RO60: variants seen among roughly 807,000 people sequenced by gnomAD.
RO60 encodes Ro60, Y RNA binding protein, also known as RNA-binding protein RO60.
A neutral mutation model predicts 55.3 loss-of-function variants in RO60; 20 were observed. The ratio of observed to expected loss-of-function variants is 0.36; its 90% CI spans 0.25 to 0.53. The LOEUF is 0.53. RO60 is among the 20% of genes least tolerant of loss of function. The probability of loss-of-function intolerance (pLI) is 0.92; values close to 1 mark genes in which losing one functional copy is unlikely to be tolerated. For missense variants in RO60, 558 were observed against 646.6 expected (o/e 0.86, Z 1.49); for synonymous variants, 213 against 213.6 (o/e 1.00, Z 0.02).
At chr1:193,080,041 G>T (rs1210910060) in intron 5 of RO60, among the ~76,000 whole-genome samples, 2 of 151,756 alleles carry the variant, frequency 1.3e-5, no homozygotes, top group Non-Finnish European at 2.9e-5. Flanking sequence ...TGAGGCAGGA[G>T]AATCTCTTGA....
Position 193,059,847 on chromosome 1 carries a change from C to T in RO60, c.-22+71C>T, listed in dbSNP as rs1672304521. ...CAGGGACGCGCAAATTCTGACCAGT[C>T]CTCCATGTCTCTCACCCGCATCCCA... On this transcript the variant is annotated intron_variant, in intron 1 of 8. Coordinates refer to ENST00000400968, the MANE Select transcript of RO60 (RefSeq NM_001173524.2). This position sits in a 1 kb window ranked among gnomAD's most constrained non-coding sequence, Gnocchi z 4.9. 7.3e-7 allele frequency: 1 copy of T among 1,362,416 alleles called. No homozygotes were observed. Among genetic ancestry groups the T allele is most frequent in the African/African-American group, 1.5e-5 (1 of 67,764 alleles). 84.4% of individuals were successfully genotyped at this position (1,362,416 alleles called of 1,614,324 possible). A position where few individuals can be genotyped will look rare whatever the true frequency, so the allele number is the denominator to read the frequency against.
intron 2 of RO60, among the ~76,000 whole-genome samples, chr1:193,072,379 G>A (rs1673575517): frequency 6.6e-6 from 1 of 151,716 alleles, no homozygotes; most frequent in South Asian, 2.1e-4. Context: ...TAGAGGAGTT[G>A]ATAATGTATT....
chr1:193,069,983 A>AGAAGGAACTGCTTT (rs1165857470), intron 2 of RO60, among the ~76,000 whole-genome samples: 4 of 152,206 alleles, frequency 2.6e-5, no homozygotes, highest in African/African-American at 9.6e-5. Flanking sequence ...TACAGTCACT[A>AGAAGGAACTGCTTT]GAAGGAACTG....
rs763452972 is a variant in RO60, at chr1:193,059,721, GC to G, written c.-76del. ...CCTTCTTTTGTCGTTTCCCAGCGCT[GC>G]GCAGGACTTCTCCTGGCGGCGCTGC... On this transcript the variant is annotated 5_prime_UTR_variant, in exon 1 of 9. Transcript: ENST00000400968. The surrounding 1 kb of genome is among the most constrained non-coding windows in gnomAD (Gnocchi z 4.9). 1 of 1,353,402 alleles carries G rather than the reference GC, an allele frequency of 7.4e-7. No homozygotes were observed. Among genetic ancestry groups the G allele is most frequent in the South Asian group, 1.2e-5 (1 of 85,838 alleles). 83.8% of individuals were successfully genotyped at this position (1,353,402 alleles called of 1,614,324 possible).
Position 193,082,547 on chromosome 1 carries a change from T to C in RO60, c.1318-15T>C, listed in dbSNP as rs758063788. 1 of 1,613,346 alleles carries C rather than the reference T, an allele frequency of 6.2e-7. No homozygotes were observed. Among genetic ancestry groups the C allele is most frequent in the Non-Finnish European group, 8.5e-7 (1 of 1,179,472 alleles). On this transcript the variant is annotated splice_polypyrimidine_tract_variant and intron_variant, in intron 7 of 8. Transcript: ENST00000400968. ...ATTTATTTACTTATTTATTCATGCTTTTGTTCCGAATTAGATCCCAGCAGG... is the reference window on the plus strand; with the variant it reads ...ATTTATTTACTTATTTATTCATGCTCTTGTTCCGAATTAGATCCCAGCAGG...
chr1:193,070,569 C>G (rs1048968217), intron 2 of RO60: 3 of 435,602 alleles, frequency 6.9e-6, no homozygotes, highest in Admixed American at 4.9e-5. Flanking sequence ...CTTGAAAAGA[C>G]AGCCACTCAG....
At chr1:193,075,794 T>G in intron 2 of RO60, 26 bp from the exon 3 acceptor site, 1 of 1,533,714 alleles carries the variant, frequency 6.5e-7, no homozygotes, top group Non-Finnish European at 8.9e-7. Flanking sequence ...TCCTGCATGC[T>G]TTTTCAATTC....
chr1:193,076,150 T>C, intron 3 of RO60, 110 bp downstream of exon 3: 1 of 638,194 alleles, frequency 1.6e-6, no homozygotes, highest in Non-Finnish European at 2.5e-6. Context: ...AAAGAAATTA[T>C]TTAAAATATA....
chr1:193,072,246 C>T (rs1315911562), intron 2 of RO60, among the ~76,000 whole-genome samples: 4 of 152,122 alleles, frequency 2.6e-5, no homozygotes, highest in African/African-American at 4.8e-5. Flanking sequence ...TCAGGTGATC[C>T]GCCTGCCTTG....
chr1:193,071,916 T>G lies in RO60; in HGVS notation c.580+2282T>G, dbSNP rs139069489. Among the ~76,000 whole-genome samples the G allele has an allele frequency of 9.5e-3, 1,435 of 150,906 alleles. 15 individuals are homozygous for G. The highest frequency in any genetic ancestry group is 0.033 in the South Asian group (160 of 4,806). The stretch of plus-strand genomic sequence containing the variant: ...GTGTATATATGTATAATTATACAAT[T>G]ACATCATAGCCCTTTTGTCCACTTA... On this transcript the variant is annotated intron_variant, in intron 2 of 8. Transcript: ENST00000400968.
chr1:193,084,208 T>C (rs1182156742), intron 8 of RO60, among the ~76,000 whole-genome samples: 1 of 152,222 alleles, frequency 6.6e-6, no homozygotes. Flanking sequence ...CCCAGAGATA[T>C]GTCCTTATAT....
chr1:193,084,448 G>C lies in RO60; in HGVS notation c.1465-131G>C, dbSNP rs1054298189. On this transcript the variant is annotated intron_variant, in intron 8 of 8. Transcript: ENST00000400968. ...TCCCATATTCTAGCCTTAAAAGATT[G>C]ACCCCCGCAAAAAAATGACTTTGTA... The C allele has an allele frequency of 3.9e-5, 41 of 1,046,350 alleles. No homozygotes were observed. In the African/African-American group the frequency reaches 5.8e-4, roughly 15 times the overall value. 64.8% of individuals were successfully genotyped at this position (1,046,350 alleles called of 1,614,324 possible).
intron 2 of RO60, chr1:193,070,647 A>G (rs1673427092): frequency 2.3e-6 from 1 of 434,302 alleles, no homozygotes; most frequent in Non-Finnish European, 4.6e-6. Context: ...TCTGACCTTC[A>G]TCTATTAAAA....
In RO60 at chr1:193,082,247, G is replaced by A; in HGVS notation, c.1265G>A (p.Cys422Tyr). 6.2e-7 allele frequency: 1 copy of A among 1,613,512 alleles called. No individual in the cohort carries two copies. Among genetic ancestry groups the A allele is most frequent in the Non-Finnish European group, 8.5e-7 (1 of 1,179,730 alleles). Residue 422 changes from cysteine (C) to tyrosine (Y), a missense_variant, in exon 7 of 9, where the codon TGT (cysteine) becomes TAT (tyrosine). Coordinates refer to ENST00000400968, the MANE Select transcript of RO60 (RefSeq NM_001173524.2). ...VVAFSDEMVP[C>Y]PVTTDMTLQQ... ...GCTTTTTCCGATGAAATGGTACCATGTCCAGTGACTACAGATATGACCTTA... is the reference window on the plus strand; with the variant it reads ...GCTTTTTCCGATGAAATGGTACCATATCCAGTGACTACAGATATGACCTTA...
At chr1:193,068,915 C>A in intron 1 of RO60, 119 bp from the exon 2 acceptor site, 1 of 684,008 alleles carries the variant, frequency 1.5e-6, no homozygotes, top group Non-Finnish European at 2.4e-6. Context: ...AACTATGGAA[C>A]TTAAAAGATG....
rs1000794759 is a variant in RO60 at position 193,082,411 on chromosome 1, C to T, written c.1317+112C>T. The T allele has an allele frequency of 9.7e-6, 13 of 1,339,494 alleles. No individual in the cohort carries two copies. The Admixed American group carries it at 2.3e-4, about 24-fold the overall frequency. The allele number at this position is 1,339,494 out of a possible 1,614,324, so 83.0% of individuals were successfully genotyped here. A position where few individuals can be genotyped will look rare whatever the true frequency, so the allele number is the denominator to read the frequency against. On this transcript the variant is annotated intron_variant, in intron 7 of 8. Transcript: ENST00000400968. ...TCTGTGAGAACAAAATTTTTTTTGT[C>T]TTAATTTTTGCATGACAAGTACAAA... is the stretch of plus-strand genomic sequence containing the variant.
chr1:193,065,911 T>A (rs1673071930), intron 1 of RO60, among the ~76,000 whole-genome samples: 1 of 152,156 alleles, frequency 6.6e-6, no homozygotes, highest in South Asian at 2.1e-4. Context: ...CTCAGTCACA[T>A]TCAAAATGTG....
At chr1:193,068,759 A>T (rs1471356332) in intron 1 of RO60, among the ~76,000 whole-genome samples, 1 of 152,244 alleles carries the variant, frequency 6.6e-6, no homozygotes, top group Non-Finnish European at 1.5e-5. Flanking sequence ...GATTATAAAA[A>T]TAGGAATACA....
chr1:193,082,119 G>C (rs1674352033), intron 6 of RO60, 67 bp from the exon 7 acceptor site: 2 of 941,922 alleles, frequency 2.1e-6, no homozygotes, highest in Non-Finnish European at 3.5e-6. Context: ...ACATGAAGTT[G>C]GATAAAATTC....
Sources: gnomAD v4.1 joint callset for allele counts (sites outside exome capture counted in the v4.1 genomes callset) on GRCh38, gnomAD v4.1.1 for gene constraint, Gnocchi (gnomAD v3.1) non-coding constraint, MANE v1.5 for transcripts, NCBI Gene and HGNC (gene_info 2026-07-23, HGNC 2026-07-21) for gene names.